DLGAP2: variants seen among roughly 807,000 people sequenced by gnomAD.
DLGAP2 encodes the protein DLG associated protein 2.
DLGAP2 carries 26 observed loss-of-function variants against 100.3 expected under a neutral mutation model. That is an observed-to-expected ratio of 0.26 (90% confidence interval 0.19 to 0.36). The LOEUF is 0.36. Ranked by LOEUF, DLGAP2 falls within the 10% of genes least tolerant of loss-of-function variation. The pLI, the probability that DLGAP2 is intolerant of heterozygous loss-of-function variation, is 1.00. For missense variants in DLGAP2, 1,858 were observed against 1,453.2 expected (o/e 1.28, Z -4.53); for synonymous variants, 886 against 630.1 (o/e 1.41, Z -6.08).
intron 1 of DLGAP2, among the ~76,000 whole-genome samples, chr8:796,487 G>C (rs1204140197): frequency 6.6e-6 from 1 of 152,138 alleles, no homozygotes; most frequent in Non-Finnish European, 1.5e-5. Flanking sequence ...TGGGTGGGGA[G>C]GGGCAGAGGG....
chr8:1,332,949 C>T (rs983811310), intron 3 of DLGAP2, among the ~76,000 whole-genome samples: 1 of 152,308 alleles, frequency 6.6e-6, no homozygotes, highest in Non-Finnish European at 1.5e-5. Flanking sequence ...CAGCAGCAAG[C>T]CTACTCCCTT....
intron 8 of DLGAP2, among the ~76,000 whole-genome samples, chr8:1,636,457 T>C (rs760309690): frequency 6.6e-6 from 1 of 152,214 alleles, no homozygotes; most frequent in Non-Finnish European, 1.5e-5. Context: ...GGAGAAAAAT[T>C]ATCTCTATAT....
intron 9 of DLGAP2, 40 bp from the exon 10 acceptor site, chr8:1,669,703 G>A (rs374182794): frequency 3.1e-5 from 24 of 780,730 alleles, no homozygotes; most frequent in African/African-American, 2.7e-4. Context: ...CAGGGCCTCC[G>A]AACCAGGTCT....
At chr8:954,037 T>A (rs938981365) in intron 2 of DLGAP2, among the ~76,000 whole-genome samples, 1 of 152,206 alleles carries the variant, frequency 6.6e-6, no homozygotes, top group Non-Finnish European at 1.5e-5. Context: ...AGCTCTCCCC[T>A]ATGTGTGCAC....
At chr8:1,078,153 G>A (rs1052810143) in intron 2 of DLGAP2, among the ~76,000 whole-genome samples, 2 of 152,016 alleles carry the variant, frequency 1.3e-5, no homozygotes, top group African/African-American at 4.8e-5. Flanking sequence ...CAACACGCTG[G>A]CCCTCCAGAG....
intron 3 of DLGAP2, among the ~76,000 whole-genome samples, chr8:1,391,194 T>G (rs34007256): frequency 0.71 from 107,065 of 151,432 alleles, 37,878 homozygotes; most frequent in Admixed American, 0.72. Flanking sequence ...ACTCAGAAGT[T>G]CCCATGGGGA....
chr8:804,352 C>T (rs904043106), intron 1 of DLGAP2, among the ~76,000 whole-genome samples: 1 of 152,168 alleles, frequency 6.6e-6, no homozygotes, highest in South Asian at 2.1e-4. Context: ...AGGCAGGCAG[C>T]GATGGTCTCT....
chr8:1,020,098 A>G (rs1009006241), intron 2 of DLGAP2, among the ~76,000 whole-genome samples: 3 of 152,246 alleles, frequency 2.0e-5, no homozygotes, highest in Non-Finnish European at 4.4e-5. Flanking sequence ...TAAAGCAAAT[A>G]TATCAAGTAT....
At chr8:1,459,136 G>T (rs889119972) in intron 3 of DLGAP2, among the ~76,000 whole-genome samples, 1 of 146,544 alleles carries the variant, frequency 6.8e-6, no homozygotes, top group Non-Finnish European at 1.5e-5. Context: ...AGACGCCAGG[G>T]GTCACCCTAC....
chr8:1,541,997 C>T (rs1278664085), intron 4 of DLGAP2, among the ~76,000 whole-genome samples: 1 of 152,230 alleles, frequency 6.6e-6, no homozygotes, highest in African/African-American at 2.4e-5. Flanking sequence ...TCAGATGTTT[C>T]TCTGAGCCAT....
intron 2 of DLGAP2, among the ~76,000 whole-genome samples, chr8:1,223,444 C>A (rs191727999): frequency 6.6e-6 from 1 of 152,130 alleles, no homozygotes; most frequent in Admixed American, 6.5e-5. Context: ...TACTTTGAAA[C>A]AATTAGTGGG....
intron 1 of DLGAP2, among the ~76,000 whole-genome samples, chr8:854,956 G>A (rs1252323549): frequency 5.9e-5 from 9 of 152,184 alleles, no homozygotes; most frequent in South Asian, 4.1e-4. Flanking sequence ...ACCGAGGAGC[G>A]GTTTGGGCAA....
At chr8:1,421,695 G>A (rs1797091186) in intron 3 of DLGAP2, among the ~76,000 whole-genome samples, 1 of 152,254 alleles carries the variant, frequency 6.6e-6, no homozygotes, top group Admixed American at 6.5e-5. Flanking sequence ...GCTAGGCACA[G>A]TGGCTCACGC....
intron 1 of DLGAP2, among the ~76,000 whole-genome samples, chr8:888,615 T>C (rs74388932): frequency 1.3e-5 from 2 of 152,110 alleles, no homozygotes; most frequent in Non-Finnish European, 2.9e-5. Context: ...TTTTTTTTTT[T>C]TCAATAATCC....
At chr8:1,423,465 C>T (rs980217311) in intron 3 of DLGAP2, among the ~76,000 whole-genome samples, 1 of 152,224 alleles carries the variant, frequency 6.6e-6, no homozygotes, top group African/African-American at 2.4e-5. Flanking sequence ...ACTGCCCTGC[C>T]ATCTCCATAC....
rs147049354 is a variant in DLGAP2 at position 1,624,630 on chromosome 8, C to T, written c.1443-2110C>T. Among the ~76,000 whole-genome samples the T allele has an allele frequency of 9.7e-4, 147 of 151,990 alleles. 1 individual carries two copies. Among genetic ancestry groups the T allele is most frequent in the African/African-American group, 3.3e-3 (136 of 41,454 alleles). ...CCAAGGTCAGGGATCCGTGTTAGCT[C>T]GCCTTCTGTTCACTGGCAGTCGACC... On this transcript the variant is annotated intron_variant, in intron 6 of 14. Transcript: ENST00000637795.
rs12541874 is a variant in DLGAP2, at chr8:920,410, G to C, written c.73+12444G>C. On this transcript the variant is annotated intron_variant, in intron 2 of 14. Coordinates refer to ENST00000637795, the MANE Select transcript of DLGAP2 (RefSeq NM_001346810.2). ...TAGAAGCTTCCCTTTCTACGGAGCAGAGTTTCAGGCCTGCTTTGTGAATCC... is the reference window on the plus strand; with the variant it reads ...TAGAAGCTTCCCTTTCTACGGAGCACAGTTTCAGGCCTGCTTTGTGAATCC... Among the ~76,000 whole-genome samples the C allele has an allele frequency of 8.4e-4, 128 of 152,360 alleles. 1 individual carries two copies. Among genetic ancestry groups the C allele is most frequent in the South Asian group, 2.3e-3 (11 of 4,824 alleles).
chr8:1,531,169 C>T (rs557610068), intron 4 of DLGAP2, among the ~76,000 whole-genome samples: 18 of 151,940 alleles, frequency 1.2e-4, no homozygotes, highest in South Asian at 2.1e-4. Flanking sequence ...CTCCCCTCCC[C>T]GCTAAAAAAG....
In DLGAP2 at chr8:1,351,597, G is replaced by A. The variant is rs528526949; in HGVS notation, c.106+92714G>A. On this transcript the variant is annotated intron_variant, in intron 3 of 14. Transcript: ENST00000637795. ...GACTGTGTGTGGAAAGGACGTGCGC[G>A]TCCTGCGTGTGGCGTGGAAAGGCCG... Among the ~76,000 whole-genome samples, 274 of 72,184 alleles carry A rather than the reference G, an allele frequency of 3.8e-3. 22 individuals are homozygous for A. Among genetic ancestry groups the A allele is most frequent in the African/African-American group, 9.9e-3 (237 of 23,968 alleles). The allele number at this position is 72,184 out of a possible 152,430, so 47.4% of individuals were successfully genotyped here. A position where few individuals can be genotyped will look rare whatever the true frequency, so the allele number is the denominator to read the frequency against.
Sources: gnomAD v4.1 joint callset for allele counts (sites outside exome capture counted in the v4.1 genomes callset) on GRCh38, gnomAD v4.1.1 for gene constraint, MANE v1.5 for transcripts, NCBI Gene and HGNC (gene_info 2026-07-23, HGNC 2026-07-21) for gene names.